OSBPL1A: variants seen among roughly 807,000 people sequenced by gnomAD.
OSBPL1A encodes oxysterol binding protein like 1A, also known as oxysterol-binding protein-related protein 1.
OSBPL1A carries 80 observed loss-of-function variants against 137.1 expected under a neutral mutation model. The ratio of observed to expected loss-of-function variants is 0.58; its 90% confidence interval spans 0.49 to 0.70. OSBPL1A has a LOEUF of 0.70. Ranked by LOEUF, OSBPL1A falls within the 30% of genes least tolerant of loss-of-function variation. The probability of loss-of-function intolerance (pLI) is 0.00; values close to 1 mark genes in which losing one functional copy is unlikely to be tolerated. For synonymous variants in OSBPL1A, 365 were observed against 389.7 expected (o/e 0.94, Z 0.75); for missense variants, 970 against 1,129.4 (o/e 0.86, Z 2.02).
chr18:24,287,782 TA>T (rs1420122816), intron 14 of OSBPL1A, among the ~76,000 whole-genome samples: 4 of 146,078 alleles, frequency 2.7e-5, no homozygotes, highest in African/African-American at 1.0e-4. Flanking sequence ...AAAAATAAAA[TA>T]AAATAAAATA....
At chr18:24,250,415 A>G (rs1471883499) in intron 15 of OSBPL1A, among the ~76,000 whole-genome samples, 3 of 152,084 alleles carry the variant, frequency 2.0e-5, no homozygotes, top group Non-Finnish European at 2.9e-5. Context: ...ACCTCATGTG[A>G]TCCACCCGCC....
chr18:24,168,834 G>GAA, intron 24 of OSBPL1A, among the ~76,000 whole-genome samples: 1 of 150,660 alleles, frequency 6.6e-6, no homozygotes, highest in East Asian at 1.9e-4. Context: ...TCTCCAATGG[G>GAA]AAAAAAAAAT....
chr18:24,370,039 T>C (rs1338682910), intron 2 of OSBPL1A, among the ~76,000 whole-genome samples: 6 of 152,094 alleles, frequency 3.9e-5, no homozygotes, highest in Admixed American at 2.0e-4. Flanking sequence ...CTGGGCAACA[T>C]AGAGAAACCC....
intron 15 of OSBPL1A, among the ~76,000 whole-genome samples, chr18:24,267,910 T>C (rs1645526841): frequency 6.6e-6 from 1 of 151,536 alleles, no homozygotes; most frequent in African/African-American, 2.4e-5. Flanking sequence ...TGCAACATTG[T>C]CCTGAAGGCC....
intron 13 of OSBPL1A, among the ~76,000 whole-genome samples, chr18:24,308,273 G>A (rs955908429): frequency 2.7e-5 from 4 of 150,034 alleles, no homozygotes; most frequent in Admixed American, 6.6e-5. Flanking sequence ...GGGCCACCAC[G>A]TCCAGCTAAT....
intron 7 of OSBPL1A, among the ~76,000 whole-genome samples, chr18:24,319,865 C>T (rs1599661486): frequency 6.6e-6 from 1 of 151,868 alleles, no homozygotes; most frequent in Non-Finnish European, 1.5e-5. Flanking sequence ...ACCTTTTAGG[C>T]CAGGCGCAGT....
intron 15 of OSBPL1A, among the ~76,000 whole-genome samples, chr18:24,267,999 A>G (rs2089625438): frequency 6.6e-6 from 1 of 152,230 alleles, no homozygotes. Flanking sequence ...ACAATCATCC[A>G]CAGATTATGA....
intron 18 of OSBPL1A, among the ~76,000 whole-genome samples, chr18:24,192,780 C>G (rs1471510646): frequency 6.6e-6 from 1 of 152,086 alleles, no homozygotes; most frequent in African/African-American, 2.4e-5. Context: ...CCATATCTGG[C>G]AGATAAGAAT....
intron 1 of OSBPL1A, among the ~76,000 whole-genome samples, chr18:24,389,709 G>A (rs766465414): frequency 3.9e-5 from 6 of 152,174 alleles, no homozygotes; most frequent in Admixed American, 2.6e-4. Context: ...GGGAGGCCAG[G>A]GAGGGCAGAT....
chr18:24,204,530 G>T (rs968293796), intron 17 of OSBPL1A, among the ~76,000 whole-genome samples: 9 of 148,716 alleles, frequency 6.1e-5, no homozygotes, highest in African/African-American at 2.0e-4. Flanking sequence ...CTATCTTGGT[G>T]AAGGCTTCTC....
chr18:24,396,625 T>C (rs774155824), intron 1 of OSBPL1A, among the ~76,000 whole-genome samples: 2 of 149,936 alleles, frequency 1.3e-5, no homozygotes, highest in Admixed American at 6.6e-5. Context: ...ATTAGGGAAT[T>C]AAAAGGTGGA....
At chr18:24,311,935 C>T in intron 13 of OSBPL1A, 49 bp downstream of exon 13, 9 of 1,606,080 alleles carry the variant, frequency 5.6e-6, no homozygotes, top group Non-Finnish European at 7.7e-6. Context: ...CTTGATTAAA[C>T]CTCATGACAT....
rs599577 is a variant in OSBPL1A at position 24,370,163 on chromosome 18, A to T, written c.122-1791T>A. Among the ~76,000 whole-genome samples the T allele has an allele frequency of 6.7e-3, 1,028 of 152,322 alleles. 10 individuals carry two copies. The highest frequency in any genetic ancestry group is 0.017 in the African/African-American group (698 of 41,560). On this transcript the variant is annotated intron_variant, in intron 2 of 27. Transcript: ENST00000319481. ...CAGAGCCCAAGAGGTCAAGGCTTCA[A>T]TGATCTGTGACTGCACCGCTGCATT...
At chr18:24,269,840 A>G (rs1843829) in intron 15 of OSBPL1A, among the ~76,000 whole-genome samples, 1 of 145,176 alleles carries the variant, frequency 6.9e-6, no homozygotes, top group African/African-American at 2.6e-5. Context: ...CACATCAAGC[A>G]TGACAAGCCT....
At chr18:24,327,570 C>T (rs7243920) in intron 7 of OSBPL1A, among the ~76,000 whole-genome samples, 58,078 of 151,830 alleles carry the variant, frequency 0.38, 12,103 homozygotes, top group Middle Eastern at 0.54. Flanking sequence ...CCACCACACC[C>T]GGCTAATTTT....
chr18:24,202,204 C>T (rs2087242131), intron 17 of OSBPL1A, among the ~76,000 whole-genome samples: 1 of 152,170 alleles, frequency 6.6e-6, no homozygotes, highest in Non-Finnish European at 1.5e-5. Flanking sequence ...TACCACCCAG[C>T]TGCGTAACCT....
At chr18:24,209,726 T>C (rs1331218169) in intron 17 of OSBPL1A, among the ~76,000 whole-genome samples, 1 of 152,110 alleles carries the variant, frequency 6.6e-6, no homozygotes, top group Non-Finnish European at 1.5e-5. Flanking sequence ...ATATATACAA[T>C]AGGAATGGAA....
At chr18:24,375,723 C>CT (rs1263210799) in intron 2 of OSBPL1A, among the ~76,000 whole-genome samples, 1 of 152,150 alleles carries the variant, frequency 6.6e-6, no homozygotes, top group African/African-American at 2.4e-5. Context: ...ATCTACTAGA[C>CT]TAAGCTCAAT....
intron 13 of OSBPL1A, chr18:24,311,416 T>C (rs1331429369): frequency 1.3e-5 from 13 of 967,604 alleles, no homozygotes; most frequent in South Asian, 4.8e-5. Context: ...AGCCAGAAAA[T>C]TGATGACCCC....
Sources: allele counts gnomAD v4.1 joint callset (sites outside exome capture counted in the v4.1 genomes callset), GRCh38; gene constraint gnomAD v4.1.1; transcripts MANE v1.5; gene names NCBI Gene and HGNC (gene_info 2026-07-23, HGNC 2026-07-21).